UVRAG: variants seen among roughly 807,000 people sequenced by gnomAD.
UVRAG encodes UV radiation resistance associated, also known as UV radiation resistance-associated gene protein.
In UVRAG, 19 loss-of-function variants were observed where a neutral mutation model predicts 78.0. The observed-to-expected ratio is 0.24, with a 90% CI of 0.17 to 0.36. UVRAG has a LOEUF of 0.36. Among genes scored for constraint, UVRAG ranks in the 10% least tolerant of loss-of-function variants. UVRAG has a pLI of 1.00. For missense variants in UVRAG, 740 were observed against 853.8 expected (o/e 0.87, Z 1.66); for synonymous variants, 323 against 324.6 (o/e 1.00, Z 0.05).
At chr11:76,134,456 C>T (rs1320693289) in intron 14 of UVRAG, among the ~76,000 whole-genome samples, 1 of 152,056 alleles carries the variant, frequency 6.6e-6, no homozygotes, top group Non-Finnish European at 1.5e-5. Context: ...CTTCTTGCAG[C>T]TAGCTCCCTG....
intron 5 of UVRAG, 76 bp downstream of exon 5, chr11:75,888,979 C>G: frequency 8.4e-7 from 1 of 1,188,974 alleles, no homozygotes; most frequent in South Asian, 1.6e-5. Flanking sequence ...TAGATATAAT[C>G]CTGAAAACTC....
Position 75,967,369 on chromosome 11 carries a change from C to T in UVRAG, c.699+5820C>T, listed in dbSNP as rs114217547. ...ATTAATGGATAGGAAATATTTTCTG[C>T]GGAAATCTTTTCCTTTTCTTAGTGG... is the stretch of plus-strand genomic sequence containing the variant. On this transcript the variant is annotated intron_variant, in intron 7 of 14. Transcript: ENST00000356136. Among the ~76,000 whole-genome samples, 597 of 152,268 alleles carry T rather than the reference C, an allele frequency of 3.9e-3. 5 individuals are homozygous for T. The highest frequency in any genetic ancestry group is 0.014 in the African/African-American group (561 of 41,540).
intron 5 of UVRAG, among the ~76,000 whole-genome samples, chr11:75,900,071 G>C (rs1947455671): frequency 6.6e-6 from 1 of 152,128 alleles, no homozygotes. Flanking sequence ...TATGAATTTG[G>C]AGGATCTTGT....
intron 6 of UVRAG, among the ~76,000 whole-genome samples, chr11:75,938,191 C>T (rs1222877404): frequency 1.3e-5 from 2 of 151,716 alleles, no homozygotes; most frequent in East Asian, 1.9e-4. Flanking sequence ...ATTTTCATCT[C>T]TGAAAGTTCA....
chr11:75,927,559 T>C (rs567607366), intron 6 of UVRAG, among the ~76,000 whole-genome samples: 2 of 152,318 alleles, frequency 1.3e-5, no homozygotes, highest in South Asian at 2.1e-4. Flanking sequence ...AAATTAGTTA[T>C]AAATTTGTTG....
At chr11:75,823,645 AGTCACACAGAGT>A (rs1298817328) in intron 1 of UVRAG, among the ~76,000 whole-genome samples, 1 of 152,238 alleles carries the variant, frequency 6.6e-6, no homozygotes, top group Non-Finnish European at 1.5e-5. Flanking sequence ...GGTAACTTAA[AGTCACACAGAGT>A]GTCAACAAAG....
At chr11:76,100,379 G>A (rs1951857771) in intron 13 of UVRAG, among the ~76,000 whole-genome samples, 1 of 152,066 alleles carries the variant, frequency 6.6e-6, no homozygotes. Context: ...CTGACACATA[G>A]TAGATACACA....
chr11:76,104,728 A>C (rs1408856433), intron 13 of UVRAG, among the ~76,000 whole-genome samples: 1 of 152,196 alleles, frequency 6.6e-6, no homozygotes, highest in Admixed American at 6.6e-5. Flanking sequence ...TACTTGTTGA[A>C]TTAAGTAATT....
chr11:76,127,103 T>C (rs1255866537), intron 14 of UVRAG, among the ~76,000 whole-genome samples: 1 of 152,274 alleles, frequency 6.6e-6, no homozygotes, highest in Admixed American at 6.5e-5. Context: ...GTTAACTCTC[T>C]GTCTTCTCTA....
At chr11:75,916,174 G>A (rs926523098) in intron 6 of UVRAG, 2 of 152,100 alleles carry the variant, frequency 1.3e-5, no homozygotes, top group African/African-American at 4.8e-5. Flanking sequence ...GAAGTATGGT[G>A]GAAAATAAAG....
intron 13 of UVRAG, among the ~76,000 whole-genome samples, chr11:76,076,835 A>ATTT (rs1565150618): frequency 1.8e-5 from 2 of 112,476 alleles, no homozygotes; most frequent in African/African-American, 1.1e-4. Context: ...TTTATTTATT[A>ATTT]GAGGCAGATG....
chr11:75,828,752 C>CAT (rs1945581159), intron 1 of UVRAG, among the ~76,000 whole-genome samples: 2 of 85,622 alleles, frequency 2.3e-5, no homozygotes, highest in African/African-American at 9.0e-5. Context: ...TATATACACA[C>CAT]ACATATATAT....
chr11:76,059,932 A>C (rs757541204), intron 12 of UVRAG, among the ~76,000 whole-genome samples: 2 of 152,208 alleles, frequency 1.3e-5, no homozygotes, highest in Non-Finnish European at 2.9e-5. Context: ...ATGATTTAAA[A>C]ATTTGAATTA....
chr11:75,989,715 C>T (rs561373629), intron 8 of UVRAG, among the ~76,000 whole-genome samples: 37 of 152,254 alleles, frequency 2.4e-4, no homozygotes, highest in African/African-American at 8.7e-4. Context: ...GCTTTTTTCT[C>T]CCTCAAATGA....
At chr11:75,931,194 C>G (rs1034996404) in intron 6 of UVRAG, among the ~76,000 whole-genome samples, 1 of 151,138 alleles carries the variant, frequency 6.6e-6, no homozygotes, top group African/African-American at 2.4e-5. Context: ...CACTATGGAC[C>G]ATCATTCATG....
At chr11:76,108,488 A>G (rs191327596) in intron 13 of UVRAG, among the ~76,000 whole-genome samples, 126 of 152,326 alleles carry the variant, frequency 8.3e-4, no homozygotes, top group Non-Finnish European at 1.4e-3. Flanking sequence ...AGCTGCATGA[A>G]CTAGTTAATT....
intron 3 of UVRAG, among the ~76,000 whole-genome samples, chr11:75,867,939 G>T (rs7109363): frequency 6.6e-6 from 1 of 152,238 alleles, no homozygotes; most frequent in East Asian, 1.9e-4. Flanking sequence ...AAGGGTGTGC[G>T]TGTAGATACA....
chr11:75,968,451 TC>T, intron 7 of UVRAG, among the ~76,000 whole-genome samples: 1 of 152,306 alleles, frequency 6.6e-6, no homozygotes, highest in East Asian at 1.9e-4. Flanking sequence ...TAGAACTAGA[TC>T]CCACATGGGT....
Position 76,141,489 on chromosome 11 carries a change from G to A in UVRAG, c.*76G>A, listed in dbSNP as rs59400584. The A allele has an allele frequency of 0.036, 48,620 of 1,367,900 alleles. 1,340 individuals carry two copies. Among genetic ancestry groups the A allele is most frequent in the African/African-American group, 0.14 (9,490 of 69,486 alleles). 84.7% of individuals were successfully genotyped at this position (1,367,900 alleles called of 1,614,324 possible). On this transcript the variant is annotated 3_prime_UTR_variant, in exon 15 of 15. Transcript: ENST00000356136. ...GTGAAAGCTGCACTTAACCCTTTGT[G>A]ATAATGATGACACAAAATGAATATT...
Sources: allele counts gnomAD v4.1 joint callset (sites outside exome capture counted in the v4.1 genomes callset), GRCh38; gene constraint gnomAD v4.1.1; transcripts MANE v1.5; gene names NCBI Gene and HGNC (gene_info 2026-07-23, HGNC 2026-07-21).